Variants in MBP observed in about 807,000 individuals in gnomAD.
MBP encodes the protein Golli-MBP.
In MBP, 16 loss-of-function variants were observed where a neutral mutation model predicts 35.8. The ratio of observed to expected loss-of-function variants is 0.45; its 90% CI spans 0.30 to 0.68. The LOEUF (loss-of-function observed/expected upper bound fraction) is 0.68. MBP is among the 30% of genes least tolerant of loss of function. MBP has a pLI of 0.08. For missense variants in MBP, 380 were observed against 404.7 expected (o/e 0.94, Z 0.52); for synonymous variants, 143 against 159.6 (o/e 0.90, Z 0.78).
Position 77,016,926 on chromosome 18 carries a change from C to A in MBP, c.482G>T (p.Gly161Val), listed in dbSNP as rs199779811. The change falls in exon 4 of 9, where the codon GGC becomes GTC. Residue 161 changes from glycine to valine, a missense_variant. Transcript: ENST00000355994. ...CGTGTCTCTGTGCCTTGGGAGGAAG[C>A]CATGCCTGGCATGGTCCATGGTACT... ...TASTMDHARH[G>V]FLPRHRDTGI... is the part of the protein sequence containing the mutation. The A allele has an allele frequency of 1.9e-6, 3 of 1,614,210 alleles. No individual in the cohort carries two copies. The highest frequency in any genetic ancestry group is 3.3e-5 in the Admixed American group (2 of 60,026).
intron 3 of MBP, among the ~76,000 whole-genome samples, chr18:77,061,215 T>C (rs1973963961): frequency 6.6e-6 from 1 of 152,218 alleles, no homozygotes; most frequent in Admixed American, 6.5e-5. Flanking sequence ...AATAAATAAC[T>C]ATACAAAACT....
chr18:77,079,571 G>T (rs1258034443), intron 2 of MBP, among the ~76,000 whole-genome samples: 1 of 152,174 alleles, frequency 6.6e-6, no homozygotes, highest in Non-Finnish European at 1.5e-5. Context: ...GCAGGAAGAA[G>T]AATAATAAAT....
At chr18:77,117,892 G>C (rs112114622) in intron 1 of MBP, among the ~76,000 whole-genome samples, 3,891 of 3,956 alleles carry the variant, frequency 0.98, 1,930 homozygotes, top group Middle Eastern at 1. Context: ...TGGAGTGGGA[G>C]GGGGGACATT....
intron 1 of MBP, among the ~76,000 whole-genome samples, chr18:77,119,368 C>A (rs1227396688): frequency 6.6e-6 from 1 of 152,194 alleles, no homozygotes; most frequent in East Asian, 1.9e-4. Context: ...TGTCTTGTCA[C>A]CATGGTGTCC....
chr18:77,041,298 G>A (rs979716570), intron 3 of MBP, among the ~76,000 whole-genome samples: 418 of 152,270 alleles, frequency 2.7e-3, no homozygotes, highest in African/African-American at 9.0e-3. Context: ...GAGAGGATGT[G>A]GAGAAATAGG....
At chr18:77,063,583 C>G (rs529776570) in intron 3 of MBP, among the ~76,000 whole-genome samples, 8 of 152,228 alleles carry the variant, frequency 5.3e-5, no homozygotes, top group Non-Finnish European at 1.2e-4. Context: ...GATATGCGAG[C>G]CTTGCTCCGG....
At chr18:77,024,979 G>C (rs1281523963) in intron 3 of MBP, among the ~76,000 whole-genome samples, 1 of 152,208 alleles carries the variant, frequency 6.6e-6, no homozygotes, top group Non-Finnish European at 1.5e-5. Context: ...GAGTGGCAGA[G>C]AGGGCATTCC....
Position 77,031,566 on chromosome 18 carries a change from A to G in MBP, c.140-14298T>C, listed in dbSNP as rs189874409. On this transcript the variant is annotated intron_variant, in intron 3 of 8. Coordinates refer to ENST00000355994, the MANE Select transcript of MBP (RefSeq NM_001025101.2). ...CGCAAGTAATTCACTATCTGGACACAATTTCCAGGGTACTGTTCTGTAAGT... is the reference window on the plus strand; with the variant it reads ...CGCAAGTAATTCACTATCTGGACACGATTTCCAGGGTACTGTTCTGTAAGT... Among the ~76,000 whole-genome samples the G allele has an allele frequency of 2.2e-4, 33 of 152,368 alleles. No individual in the cohort carries two copies. The Middle Eastern group carries it at 0.017, about 79-fold the overall frequency.
intron 4 of MBP, chr18:77,015,117 T>C (rs1037561708): frequency 1.0e-6 from 1 of 983,234 alleles, no homozygotes; most frequent in African/African-American, 1.7e-5. Context: ...CATCTATGTG[T>C]GTCAATATTG....
At chr18:77,105,059 TTAA>T (rs1976217041) in intron 2 of MBP, 149 bp downstream of exon 2, 1 of 354,660 alleles carries the variant, frequency 2.8e-6, no homozygotes, top group African/African-American at 2.0e-5. Context: ...TAATTAATTA[TTAA>T]TAATAATTAA....
chr18:77,025,451 G>T (rs935198778), intron 3 of MBP, among the ~76,000 whole-genome samples: 1 of 152,104 alleles, frequency 6.6e-6, no homozygotes, highest in Admixed American at 6.5e-5. Context: ...CCTGGACATC[G>T]ATACGTTAAT....
At chr18:77,118,657 CACACACTACAT>C (rs1976782893) in intron 1 of MBP, among the ~76,000 whole-genome samples, 6 of 139,192 alleles carry the variant, frequency 4.3e-5, no homozygotes, top group African/African-American at 1.6e-4. Context: ...CACACACACA[CACACACTACAT>C]ACCACACACA....
intron 3 of MBP, among the ~76,000 whole-genome samples, chr18:77,048,811 G>C (rs1245983277): frequency 6.6e-6 from 1 of 152,096 alleles, no homozygotes; most frequent in Admixed American, 6.5e-5. Context: ...GAAAAACTGA[G>C]GATCAAAGAG....
intron 8 of MBP, chr18:76,981,141 G>A (rs1425711834): frequency 1.3e-5 from 2 of 152,350 alleles, no homozygotes; most frequent in Non-Finnish European, 2.9e-5. Flanking sequence ...GGCCCACGGT[G>A]TGGAGGTAGC....
At chr18:77,035,207 A>G (rs1972710014) in intron 3 of MBP, among the ~76,000 whole-genome samples, 1 of 152,104 alleles carries the variant, frequency 6.6e-6, no homozygotes, top group African/African-American at 2.4e-5. Context: ...ACTCATACTC[A>G]TTCTAAGCTG....
At chr18:76,985,300 T>TG (rs1438540264) in intron 7 of MBP, 8 of 1,300,700 alleles carry the variant, frequency 6.2e-6, no homozygotes, top group Middle Eastern at 2.1e-4. Flanking sequence ...ACTCGGACCC[T>TG]GGGGGGCTGT....
chr18:77,077,834 AAACTT>A (rs1174339167), intron 2 of MBP, among the ~76,000 whole-genome samples: 1 of 152,258 alleles, frequency 6.6e-6, no homozygotes, highest in African/African-American at 2.4e-5. Flanking sequence ...TATAGAATCT[AAACTT>A]AACCAGGATC....
intron 1 of MBP, chr18:77,114,595 A>T (rs764709488): frequency 1.3e-5 from 2 of 152,232 alleles, no homozygotes; most frequent in Non-Finnish European, 2.9e-5. Context: ...TAGCGAGGTC[A>T]TGAGGAAACC....
intron 2 of MBP, among the ~76,000 whole-genome samples, chr18:77,071,305 G>C (rs1386719509): frequency 6.6e-6 from 1 of 152,138 alleles, no homozygotes; most frequent in Admixed American, 6.5e-5. Flanking sequence ...TCCACCACAG[G>C]CTGCTGTATT....
Sources: gnomAD v4.1 joint callset for allele counts (sites outside exome capture counted in the v4.1 genomes callset) on GRCh38, gnomAD v4.1.1 for gene constraint, MANE v1.5 for transcripts, NCBI Gene and HGNC (gene_info 2026-07-23, HGNC 2026-07-21) for gene names.